Variants in SHISA9 observed in about 807,000 individuals in gnomAD.
SHISA9 encodes the protein shisa family member 9.
Under a neutral mutation model 38.0 loss-of-function variants are expected in SHISA9, and 13 were observed. The ratio of observed to expected loss-of-function variants is 0.34; its 90% CI spans 0.22 to 0.54. The LOEUF (loss-of-function observed/expected upper bound fraction) is 0.54, where lower values mean the gene tolerates loss of function less well. Ranked by LOEUF, SHISA9 falls within the 20% of genes least tolerant of loss-of-function variation. SHISA9 has a pLI of 0.91. For synonymous variants in SHISA9, 275 were observed against 242.0 expected (o/e 1.14, Z -1.27); for missense variants, 538 against 575.8 (o/e 0.93, Z 0.67).
intron 2 of SHISA9, among the ~76,000 whole-genome samples, chr16:13,079,450 A>G (rs1004151025): frequency 6.6e-6 from 1 of 152,230 alleles, no homozygotes; most frequent in Non-Finnish European, 1.5e-5. Flanking sequence ...AAGCACAGAG[A>G]AAAAGGTAGG....
At chr16:13,013,898 T>C (rs2072709918) in intron 2 of SHISA9, among the ~76,000 whole-genome samples, 1 of 152,074 alleles carries the variant, frequency 6.6e-6, no homozygotes, top group Non-Finnish European at 1.5e-5. Context: ...TGGCTAATTT[T>C]TTTTGTATTT....
At chr16:13,282,953 A>G in the SHISA9 span, among the ~76,000 whole-genome samples, 1 of 152,154 alleles carries the variant, frequency 6.6e-6, no homozygotes, top group African/African-American at 2.4e-5. Context: ...CACTGTTTGA[A>G]AATCTTTGTC....
the SHISA9 span, among the ~76,000 whole-genome samples, chr16:13,471,150 T>C: frequency 6.6e-6 from 1 of 151,972 alleles, no homozygotes; most frequent in African/African-American, 2.4e-5. Flanking sequence ...TTATTGTTTG[T>C]TTTTCTGTGT....
chr16:13,297,605 C>T, the SHISA9 span, among the ~76,000 whole-genome samples: 2 of 152,064 alleles, frequency 1.3e-5, no homozygotes, highest in Non-Finnish European at 2.9e-5. Flanking sequence ...ACACAAAGTC[C>T]CTTAGGCGGG....
At chr16:13,242,256 G>T (rs145802158), downstream of SHISA9, among the ~76,000 whole-genome samples, 51 of 152,264 alleles carry the variant, frequency 3.3e-4, no homozygotes, top group African/African-American at 1.1e-3. Flanking sequence ...ACCTGGATTC[G>T]CATGTGAATC....
chr16:13,306,602 T>C, the SHISA9 span, among the ~76,000 whole-genome samples: 2 of 152,198 alleles, frequency 1.3e-5, no homozygotes, highest in Non-Finnish European at 1.5e-5. Flanking sequence ...AAGGCTTGAC[T>C]GGGGCTGGAG....
chr16:13,167,460 T>TA (rs1231573261), intron 2 of SHISA9, among the ~76,000 whole-genome samples: 1 of 152,174 alleles, frequency 6.6e-6, no homozygotes, highest in South Asian at 2.1e-4. Flanking sequence ...TTGTGCCTCT[T>TA]ACGTTTCTGG....
the SHISA9 span, among the ~76,000 whole-genome samples, chr16:13,436,524 C>T: frequency 6.6e-6 from 1 of 152,166 alleles, no homozygotes; most frequent in Non-Finnish European, 1.5e-5. Flanking sequence ...AAGAAATAAC[C>T]ACAAAAATAG....
chr16:12,933,350 A>G (rs958765012), intron 2 of SHISA9, among the ~76,000 whole-genome samples: 2 of 151,706 alleles, frequency 1.3e-5, no homozygotes, highest in Non-Finnish European at 2.9e-5. Context: ...GCTGGAGTGC[A>G]GTGGCTCGAT....
intron 4 of SHISA9, among the ~76,000 whole-genome samples, chr16:13,232,487 T>C (rs1019200050): frequency 2.6e-5 from 4 of 152,166 alleles, no homozygotes; most frequent in Non-Finnish European, 4.4e-5. Flanking sequence ...AAGGTCAAAC[T>C]CTGTCAAATA....
chr16:13,436,972 C>G, the SHISA9 span, among the ~76,000 whole-genome samples: 3 of 152,172 alleles, frequency 2.0e-5, no homozygotes, highest in Non-Finnish European at 4.4e-5. Context: ...AGAGCATGTG[C>G]AGGGGAACTG....
chr16:12,924,767 C>A (rs1235619266), intron 2 of SHISA9, among the ~76,000 whole-genome samples: 1 of 152,094 alleles, frequency 6.6e-6, no homozygotes, highest in Non-Finnish European at 1.5e-5. Flanking sequence ...TTGAACATGG[C>A]TTTGAGGGAG....
the SHISA9 span, among the ~76,000 whole-genome samples, chr16:13,430,055 G>A: frequency 2.2e-4 from 34 of 152,278 alleles, no homozygotes; most frequent in African/African-American, 7.0e-4. Context: ...GACACACCCA[G>A]AAGAAAGGCC....
intron 2 of SHISA9, among the ~76,000 whole-genome samples, chr16:13,194,661 A>G (rs1220772143): frequency 6.6e-6 from 1 of 152,036 alleles, no homozygotes; most frequent in Non-Finnish European, 1.5e-5. Flanking sequence ...CAATTCCTCA[A>G]CCCTACCCAG....
chr16:13,072,333 G>T (rs765742725), intron 2 of SHISA9, among the ~76,000 whole-genome samples: 3 of 152,238 alleles, frequency 2.0e-5, no homozygotes, highest in Non-Finnish European at 2.9e-5. Context: ...TACCATCATG[G>T]GTTCTGGAGA....
chr16:13,057,585 A>G (rs1482880658), intron 2 of SHISA9, among the ~76,000 whole-genome samples: 1 of 152,214 alleles, frequency 6.6e-6, no homozygotes, highest in Non-Finnish European at 1.5e-5. Flanking sequence ...TACACTCCCG[A>G]AGGGATCTGA....
At chr16:13,441,609 A>C in the SHISA9 span, among the ~76,000 whole-genome samples, 3 of 152,242 alleles carry the variant, frequency 2.0e-5, no homozygotes, top group Admixed American at 6.5e-5. Context: ...GCTAAGTGAA[A>C]ATGCTCTATA....
At chr16:13,212,785 A>G (rs1038554894) in intron 3 of SHISA9, among the ~76,000 whole-genome samples, 10 of 152,126 alleles carry the variant, frequency 6.6e-5, no homozygotes, top group Admixed American at 5.9e-4. Context: ...GCCTGTCCCA[A>G]CCTTGAATCT....
At chr16:13,346,982 C>T in the SHISA9 span, among the ~76,000 whole-genome samples, 1 of 152,112 alleles carries the variant, frequency 6.6e-6, no homozygotes, top group Non-Finnish European at 1.5e-5. Flanking sequence ...CACATTTGTT[C>T]TATGTAATGT....
Sources: allele counts gnomAD v4.1 joint callset (sites outside exome capture counted in the v4.1 genomes callset), GRCh38; gene constraint gnomAD v4.1.1; transcripts MANE v1.5; gene names NCBI Gene and HGNC (gene_info 2026-07-23, HGNC 2026-07-21).